Variants in MACROD2 observed in about 807,000 individuals in gnomAD.
MACROD2 encodes mono-ADP ribosylhydrolase 2, also known as ADP-ribose glycohydrolase MACROD2.
Under a neutral mutation model 70.4 loss-of-function variants are expected in MACROD2, and 36 were observed. That is an observed-to-expected ratio of 0.51 (90% confidence interval 0.39 to 0.68). The LOEUF (loss-of-function observed/expected upper bound fraction) is 0.68. Ranked by LOEUF, MACROD2 falls within the 30% of genes least tolerant of loss-of-function variation. The pLI is 0.00. For synonymous variants in MACROD2, 172 were observed against 178.8 expected, an observed-to-expected ratio of 0.96 and a Z score of 0.30; for missense variants, 496 against 538.4, an observed-to-expected ratio of 0.92 and a Z score of 0.78.
At position 14,274,088 on chromosome 20, in the gene MACROD2, C is replaced by G. The variant is rs1251228011; in HGVS notation, c.271+188360C>G. Among the ~76,000 whole-genome samples, 10 of 152,304 alleles carry G rather than the reference C, an allele frequency of 6.6e-5. 1 individual carries two copies. Among genetic ancestry groups the G allele is most frequent in the African/African-American group, 2.4e-4 (10 of 41,562 alleles). On this transcript the variant is annotated intron_variant, in intron 3 of 17. Transcript: ENST00000684519. ...GGTACAAAGAGGAACTGGTACCATT[C>G]CTTCTGAAACTATTCCAATCAATAG...
intron 2 of MACROD2, among the ~76,000 whole-genome samples, chr20:14,047,480 T>G (rs1284792497): frequency 1.4e-5 from 2 of 147,154 alleles, no homozygotes; most frequent in Admixed American, 6.8e-5. Context: ...AAAAAATCCA[T>G]GGAAATGATA....
intron 3 of MACROD2, among the ~76,000 whole-genome samples, chr20:14,367,613 T>C (rs1353841998): frequency 6.6e-6 from 1 of 152,224 alleles, no homozygotes; most frequent in Non-Finnish European, 1.5e-5. Context: ...TTCTATGATT[T>C]TGATAATAAA....
intron 6 of MACROD2, among the ~76,000 whole-genome samples, chr20:15,361,013 T>G (rs2078345505): frequency 6.6e-6 from 1 of 152,082 alleles, no homozygotes; most frequent in Non-Finnish European, 1.5e-5. Context: ...GTGTGTTTTC[T>G]CCTCATCTTT....
At chr20:14,648,385 A>C (rs1466014804) in intron 4 of MACROD2, among the ~76,000 whole-genome samples, 1 of 152,182 alleles carries the variant, frequency 6.6e-6, no homozygotes, top group Non-Finnish European at 1.5e-5. Context: ...CCCAGGTGAC[A>C]TTGAACGTCC....
chr20:15,262,033 A>T (rs2077253966), intron 6 of MACROD2, among the ~76,000 whole-genome samples: 1 of 151,994 alleles, frequency 6.6e-6, no homozygotes, highest in African/African-American at 2.4e-5. Flanking sequence ...TCAAGCATTT[A>T]TCCTTTCTGT....
At chr20:15,342,914 C>CA (rs2078126021) in intron 6 of MACROD2, among the ~76,000 whole-genome samples, 1 of 152,170 alleles carries the variant, frequency 6.6e-6, no homozygotes, top group African/African-American at 2.4e-5. Flanking sequence ...GTGCGATTTC[C>CA]ACCGTATCAC....
chr20:15,357,584 C>G (rs185062399), intron 6 of MACROD2, among the ~76,000 whole-genome samples: 1 of 152,046 alleles, frequency 6.6e-6, no homozygotes, highest in African/African-American at 2.4e-5. Context: ...ATAATAATTC[C>G]TACACACATT....
intron 8 of MACROD2, among the ~76,000 whole-genome samples, chr20:15,621,423 G>T (rs1310398853): frequency 1.3e-5 from 2 of 152,124 alleles, no homozygotes; most frequent in East Asian, 3.8e-4. Context: ...CTCAGGACAT[G>T]CAGATTGCAA....
intron 3 of MACROD2, among the ~76,000 whole-genome samples, chr20:14,194,575 A>G (rs1461186221): frequency 6.6e-6 from 1 of 152,192 alleles, no homozygotes; most frequent in Admixed American, 6.5e-5. Context: ...GTGAGGAGGC[A>G]CACAAATAAC....
chr20:14,767,563 C>T (rs1249598538), intron 5 of MACROD2, among the ~76,000 whole-genome samples: 1 of 151,938 alleles, frequency 6.6e-6, no homozygotes, highest in Non-Finnish European at 1.5e-5. Context: ...CCTAGGAACC[C>T]ACTCAGTCTT....
At chr20:14,504,877 A>G (rs2084952096) in intron 4 of MACROD2, among the ~76,000 whole-genome samples, 1 of 152,206 alleles carries the variant, frequency 6.6e-6, no homozygotes, top group Admixed American at 6.5e-5. Flanking sequence ...ACAGACAATC[A>G]TTATTCGGTG....
intron 5 of MACROD2, among the ~76,000 whole-genome samples, chr20:15,133,420 G>T (rs187541540): frequency 6.6e-6 from 1 of 151,984 alleles, no homozygotes; most frequent in East Asian, 1.9e-4. Context: ...ATAAATTGTT[G>T]GTAAGTCTCA....
At chr20:15,874,738 G>A (rs989018774) in intron 9 of MACROD2, among the ~76,000 whole-genome samples, 1 of 152,162 alleles carries the variant, frequency 6.6e-6, no homozygotes, top group Non-Finnish European at 1.5e-5. Flanking sequence ...TTTACCAAAT[G>A]TGGTAGGCGG....
intron 2 of MACROD2, among the ~76,000 whole-genome samples, chr20:14,063,049 A>G (rs1319902281): frequency 6.6e-6 from 1 of 152,200 alleles, no homozygotes; most frequent in Non-Finnish European, 1.5e-5. Flanking sequence ...TACTTTAGGA[A>G]TTGAAACCAA....
chr20:15,479,364 C>G (rs996217577), intron 7 of MACROD2, among the ~76,000 whole-genome samples: 1 of 149,126 alleles, frequency 6.7e-6, no homozygotes, highest in African/African-American at 2.5e-5. Context: ...GCTCCGCCTC[C>G]CGGGTTCACG....
chr20:16,047,751 C>G (rs1198372981), intron 17 of MACROD2, among the ~76,000 whole-genome samples: 9 of 152,174 alleles, frequency 5.9e-5, no homozygotes, highest in Admixed American at 5.9e-4. Flanking sequence ...TAGTGAATCA[C>G]TCATGTTATA....
intron 5 of MACROD2, among the ~76,000 whole-genome samples, chr20:14,941,620 T>A (rs535711817): frequency 3.3e-5 from 5 of 152,246 alleles, no homozygotes; most frequent in African/African-American, 1.2e-4. Context: ...CTCCTCATAT[T>A]TTAGTTCTAG....
At chr20:14,111,876 AT>A (rs1158616509) in intron 3 of MACROD2, among the ~76,000 whole-genome samples, 4 of 152,046 alleles carry the variant, frequency 2.6e-5, no homozygotes, top group African/African-American at 9.7e-5. Flanking sequence ...AAGAAAGGAA[AT>A]TGGTATATTG....
At chr20:15,610,029 T>C (rs1162821799) in intron 8 of MACROD2, among the ~76,000 whole-genome samples, 1 of 152,210 alleles carries the variant, frequency 6.6e-6, no homozygotes, top group Non-Finnish European at 1.5e-5. Context: ...TCTGTCTCCC[T>C]TTTGCTAGCA....
Sources: gnomAD v4.1 joint callset for allele counts (sites outside exome capture counted in the v4.1 genomes callset) on GRCh38, gnomAD v4.1.1 for gene constraint, MANE v1.5 for transcripts, NCBI Gene and HGNC (gene_info 2026-07-23, HGNC 2026-07-21) for gene names.